The following MRAP variants were observed in gnomAD, a reference collection of about 807,000 sequenced individuals.
MRAP encodes melanocortin 2 receptor accessory protein.
In MRAP, 8 loss-of-function variants were observed where a neutral mutation model predicts 8.7. The ratio of observed to expected loss-of-function variants is 0.92; its 90% CI spans 0.54 to 1.66. MRAP has a LOEUF of 1.66. MRAP is among the 40% of genes most tolerant of loss of function. The pLI is 0.00. For synonymous variants in MRAP, 95 were observed against 95.5 expected (o/e 1.00, Z 0.03); for missense variants, 237 against 217.1 (o/e 1.09, Z -0.58).
chr21:32,312,225 T>C lies in MRAP; in HGVS notation c.*229T>C, dbSNP rs2032600091. 1.4e-6 allele frequency: 2 copies of C among 1,443,686 alleles called. No homozygotes were observed. Among genetic ancestry groups the C allele is most frequent in the Admixed American group, 5.1e-5 (2 of 39,012 alleles). The allele number at this position is 1,443,686 out of a possible 1,614,324, so 89.4% of individuals were successfully genotyped here. ...GTTTATTGAGCACACCTAGCCTGCT[T>C]GCTTACTGCTTATATTTGCTCAGGG... On this transcript the variant is annotated 3_prime_UTR_variant, in exon 3 of 3. Coordinates refer to ENST00000303645, the MANE Select transcript of MRAP (RefSeq NM_001379228.1).
Position 32,306,357 on chromosome 21 carries a change from G to A in MRAP, c.107-283G>A. On this transcript the variant is annotated intron_variant, in intron 1 of 2. Transcript: ENST00000303645. ...CTAGGAGCCGGGCAAGCAGATGCAT[G>A]GGGTGGGGGGGCACACAATTCCATT... 6.8e-6 allele frequency: 3 copies of A among 439,290 alleles called. 1 individual carries two copies. The highest frequency in any genetic ancestry group is 6.1e-5 in the South Asian group (3 of 49,160). The allele number at this position is 439,290 out of a possible 1,614,324, so 27.2% of individuals were successfully genotyped here. A position where few individuals can be genotyped will look rare whatever the true frequency, so the allele number is the denominator to read the frequency against.
chr21:32,300,542 C>A (rs537385892), intron 1 of MRAP, among the ~76,000 whole-genome samples: 1 of 145,024 alleles, frequency 6.9e-6, no homozygotes, highest in Admixed American at 6.9e-5. Context: ...ATGTCAGATG[C>A]GTCACGTGTC....
chr21:32,307,107 AAAG>A lies in MRAP; in HGVS notation c.206+373_206+375del, dbSNP rs2032438629. Among the ~76,000 whole-genome samples, 4 of 152,316 alleles carry A rather than the reference AAAG, an allele frequency of 2.6e-5. No individual in the cohort carries two copies. In the South Asian group the frequency reaches 8.3e-4, roughly 32 times the overall value. On this transcript the variant is annotated intron_variant, in intron 2 of 2. Coordinates refer to ENST00000303645, the MANE Select transcript of MRAP (RefSeq NM_001379228.1). ...AACCTCAAAAACATCATGCTAAGTG[AAAG>A]AAGACAGACACAGAGCTGCATGTTG...
Position 32,306,665 on chromosome 21 carries a change from G to A in MRAP, c.132G>A (p.Val44=), listed in dbSNP as rs17855142. 31 of 1,614,014 alleles carry A rather than the reference G, an allele frequency of 1.9e-5. No homozygotes were observed. The highest frequency in any genetic ancestry group is 2.6e-5 in the Non-Finnish European group (31 of 1,180,044). ...ATTCCATCGTGATCGCATTCTGGGT[G>A]AGCCTGGCTGCCTTCGTGGTGCTGC... The part of the protein sequence containing the change: ...HKHSIVIAFW[V]SLAAFVVLLF... The change falls in exon 2 of 3, where the codon GTG becomes GTA. Residue 44 remains valine (V), a synonymous_variant. Coordinates refer to ENST00000303645, the MANE Select transcript of MRAP (RefSeq NM_001379228.1).
intron 2 of MRAP, among the ~76,000 whole-genome samples, chr21:32,307,197 C>T (rs1430944107): frequency 6.6e-6 from 1 of 151,978 alleles, no homozygotes; most frequent in African/African-American, 2.4e-5. Context: ...AGACAGAAAG[C>T]AGATTAGCAG....
At chr21:32,307,312 C>G (rs574056571) in intron 2 of MRAP, among the ~76,000 whole-genome samples, 2 of 152,258 alleles carry the variant, frequency 1.3e-5, no homozygotes, top group Admixed American at 6.5e-5. Context: ...TGGTGGCTCA[C>G]GCCTGTAATC....
At chr21:32,305,263 T>C (rs768276383) in intron 1 of MRAP, among the ~76,000 whole-genome samples, 3 of 152,166 alleles carry the variant, frequency 2.0e-5, no homozygotes, top group Non-Finnish European at 2.9e-5. Context: ...CATGGGCCAC[T>C]GTGCCCAGCC....
intron 2 of MRAP, among the ~76,000 whole-genome samples, chr21:32,293,682 T>C (rs2032091367): frequency 6.6e-6 from 1 of 152,182 alleles, no homozygotes; most frequent in African/African-American, 2.4e-5. Flanking sequence ...ACTAATGTAA[T>C]AGAAAACATC....
chr21:32,311,534 G>C (rs988142407), intron 2 of MRAP, 150 bp from the exon 3 acceptor site: 16 of 1,143,168 alleles, frequency 1.4e-5, no homozygotes, highest in Non-Finnish European at 2.0e-5. Context: ...ACCTTTGTGA[G>C]CTGGCTGACC....
At chr21:32,294,254 A>C (rs1302738487), upstream of MRAP, among the ~76,000 whole-genome samples, 1 of 152,156 alleles carries the variant, frequency 6.6e-6, no homozygotes, top group Non-Finnish European at 1.5e-5. Context: ...AGCTGGGACT[A>C]CAGGCGCCTG....
At chr21:32,292,194 G>A (rs1222263566) in intron 1 of MRAP, among the ~76,000 whole-genome samples, 1 of 152,066 alleles carries the variant, frequency 6.6e-6, no homozygotes, top group Non-Finnish European at 1.5e-5. Flanking sequence ...AATATTTGCA[G>A]ATGAAATGAT....
At chr21:32,309,837 G>A (rs1219445650) in intron 2 of MRAP, among the ~76,000 whole-genome samples, 2 of 151,642 alleles carry the variant, frequency 1.3e-5, no homozygotes, top group Non-Finnish European at 2.9e-5. Context: ...CAGCTACTCG[G>A]GAGGCTGAGG....
At chr21:32,303,490 C>T (rs1311341770) in intron 1 of MRAP, among the ~76,000 whole-genome samples, 1 of 152,230 alleles carries the variant, frequency 6.6e-6, no homozygotes, top group African/African-American at 2.4e-5. Context: ...CCATTCCTGT[C>T]ACTCCGCTGC....
downstream of MRAP, chr21:32,312,692 G>C (rs2032610104): frequency 6.4e-6 from 1 of 156,058 alleles, no homozygotes; most frequent in Non-Finnish European, 1.4e-5. Context: ...AGTGGATCTG[G>C]GACCCTTGAA....
At position 32,305,207 on chromosome 21, in the gene MRAP, G is replaced by A. The variant is rs142376389; in HGVS notation, c.107-1433G>A. On this transcript the variant is annotated intron_variant, in intron 1 of 2. Transcript: ENST00000303645. ...GCTGGTCTCGAACTCCTGGACTCGA[G>A]TGATCCACCTCCCACCTTGGCCTCC... Among the ~76,000 whole-genome samples the A allele has an allele frequency of 2.7e-3, 407 of 152,124 alleles. 2 individuals carry two copies. The highest frequency in any genetic ancestry group is 0.02 in the East Asian group (105 of 5,152).
At chr21:32,312,431 C>A, downstream of MRAP, 2 of 744,116 alleles carry the variant, frequency 2.7e-6, no homozygotes, top group East Asian at 7.1e-5. Flanking sequence ...CACCCGCCGG[C>A]TCCCCCAGAT....
intron 1 of MRAP, 165 bp from the exon 2 acceptor site, chr21:32,306,475 A>T: frequency 1.4e-6 from 1 of 689,660 alleles, no homozygotes; most frequent in South Asian, 1.6e-5. Context: ...TCTTTCCCAA[A>T]GTTATTGTTA....
At position 32,311,868 on chromosome 21, in the gene MRAP, T is replaced by A. The variant is rs1568802858; in HGVS notation, c.391T>A (p.Leu131Met). The change falls in exon 3 of 3, where the codon TTG becomes ATG. Residue 131 changes from leucine to methionine, a missense_variant. Transcript: ENST00000303645. ...QPLRQESSST[L>M]PLGGFQTHPT... ...GCTACGACAGGAGAGCTCCTCCACC[T>A]TGCCCCTCGGGGGTTTCCAGACCCA... The A allele has an allele frequency of 3.1e-6, 5 of 1,614,094 alleles. No individual in the cohort carries two copies. The highest frequency in any genetic ancestry group is 4.2e-6 in the Non-Finnish European group (5 of 1,180,030).
At chr21:32,301,930 C>T (rs887022079) in intron 1 of MRAP, among the ~76,000 whole-genome samples, 1 of 152,190 alleles carries the variant, frequency 6.6e-6, no homozygotes, top group Non-Finnish European at 1.5e-5. Flanking sequence ...TTAAACAAAA[C>T]GACTACATAA....
Sources: allele counts gnomAD v4.1 joint callset (sites outside exome capture counted in the v4.1 genomes callset), GRCh38; gene constraint gnomAD v4.1.1; transcripts MANE v1.5; gene names NCBI Gene and HGNC (gene_info 2026-07-23, HGNC 2026-07-21).